The following PCDHA8 variants were observed in gnomAD, a reference collection of about 807,000 sequenced individuals.
PCDHA8 encodes the protein protocadherin alpha 8, also known as protocadherin alpha-8.
In PCDHA8, 53 loss-of-function variants were observed where a neutral mutation model predicts 61.8. The observed-to-expected ratio is 0.86, with a 90% CI of 0.69 to 1.08. The LOEUF is 1.08. PCDHA8 is among the 50% of genes least tolerant of loss of function. The probability of loss-of-function intolerance (pLI) is 0.00; values close to 1 mark genes in which losing one functional copy is unlikely to be tolerated. For synonymous variants in PCDHA8, 618 were observed against 556.6 expected, an observed-to-expected ratio of 1.11 and a Z score of -1.55; for missense variants, 1,293 against 1,245.0, an observed-to-expected ratio of 1.04 and a Z score of -0.58.
intron 3 of PCDHA8, among the ~76,000 whole-genome samples, chr5:140,992,954 C>G (rs1174073844): frequency 6.6e-6 from 1 of 152,190 alleles, no homozygotes; most frequent in Non-Finnish European, 1.5e-5. Context: ...TTAAATCACC[C>G]CTTATACTGC....
intron 1 of PCDHA8, among the ~76,000 whole-genome samples, chr5:140,904,446 T>C (rs34807894): frequency 0.32 from 47,642 of 151,146 alleles, 7,868 homozygotes; most frequent in East Asian, 0.52. Context: ...TATTACAATT[T>C]CTTTATACAC....
At chr5:140,923,151 T>A (rs1239888412) in intron 1 of PCDHA8, among the ~76,000 whole-genome samples, 3 of 152,108 alleles carry the variant, frequency 2.0e-5, no homozygotes, top group Non-Finnish European at 4.4e-5. Context: ...ATAAAAAAAA[T>A]TATAGAAAGA....
intron 1 of PCDHA8, among the ~76,000 whole-genome samples, chr5:140,888,469 T>C (rs892080299): frequency 2.0e-5 from 3 of 152,230 alleles, no homozygotes; most frequent in South Asian, 4.1e-4. Flanking sequence ...AAAATGTCAG[T>C]AGTTCCACTG....
intron 1 of PCDHA8, among the ~76,000 whole-genome samples, chr5:140,844,310 T>G (rs1779318452): frequency 6.7e-6 from 1 of 149,666 alleles, no homozygotes. Context: ...TTTCATATTC[T>G]TCCTAATTTT....
At chr5:140,969,670 T>C (rs1481481821) in intron 1 of PCDHA8, among the ~76,000 whole-genome samples, 1 of 152,192 alleles carries the variant, frequency 6.6e-6, no homozygotes, top group African/African-American at 2.4e-5. Context: ...AGTAATGTTA[T>C]GAGACTCAAG....
At chr5:141,001,276 T>C (rs2098003991) in intron 3 of PCDHA8, among the ~76,000 whole-genome samples, 1 of 152,210 alleles carries the variant, frequency 6.6e-6, no homozygotes. Context: ...GAACTTTTTT[T>C]ACGGATGAAA....
intron 1 of PCDHA8, among the ~76,000 whole-genome samples, chr5:140,878,982 T>C (rs1484097371): frequency 2.0e-5 from 3 of 152,206 alleles, no homozygotes; most frequent in African/African-American, 4.8e-5. Flanking sequence ...CCCTCTATCT[T>C]AGAAATGAGA....
At chr5:140,984,945 C>CA (rs1307962082) in intron 3 of PCDHA8, among the ~76,000 whole-genome samples, 2 of 149,212 alleles carry the variant, frequency 1.3e-5, no homozygotes, top group African/African-American at 4.9e-5. Flanking sequence ...AATGTCTAAT[C>CA]TTTTTTTTTT....
intron 1 of PCDHA8, chr5:140,883,357 T>C: frequency 6.2e-7 from 1 of 1,614,094 alleles, no homozygotes; most frequent in Non-Finnish European, 8.5e-7. Context: ...GAGAAGACAC[T>C]CAGCCTAGCG....
At chr5:140,927,868 C>T (rs782143210) in intron 1 of PCDHA8, 2 of 1,614,220 alleles carry the variant, frequency 1.2e-6, no homozygotes, top group Admixed American at 1.7e-5. Flanking sequence ...CACCGCTAAA[C>T]TGCTGGTGGA....
intron 3 of PCDHA8, among the ~76,000 whole-genome samples, chr5:141,007,365 A>G (rs1027558453): frequency 6.7e-6 from 1 of 149,886 alleles, no homozygotes; most frequent in African/African-American, 2.5e-5. Context: ...AGCCTGGGCA[A>G]CATGATGGAA....
At chr5:140,922,072 A>C (rs1390677282) in intron 1 of PCDHA8, among the ~76,000 whole-genome samples, 1 of 152,198 alleles carries the variant, frequency 6.6e-6, no homozygotes, top group East Asian at 1.9e-4. Context: ...AATCCCACTA[A>C]GCAAAAAGTG....
intron 1 of PCDHA8, among the ~76,000 whole-genome samples, chr5:140,873,067 TATC>T (rs2054071448): frequency 1.3e-5 from 2 of 152,218 alleles, no homozygotes; most frequent in Admixed American, 1.3e-4. Flanking sequence ...TTGAGAATCA[TATC>T]TAGCTATTTC....
At chr5:140,895,341 T>C (rs996566433) in intron 1 of PCDHA8, among the ~76,000 whole-genome samples, 5 of 152,186 alleles carry the variant, frequency 3.3e-5, no homozygotes, top group African/African-American at 1.2e-4. Flanking sequence ...TGTTTTACTA[T>C]GCTTTCCAGT....
At chr5:140,878,400 A>C (rs1190004888) in intron 1 of PCDHA8, among the ~76,000 whole-genome samples, 2 of 152,218 alleles carry the variant, frequency 1.3e-5, no homozygotes, top group Non-Finnish European at 2.9e-5. Flanking sequence ...TGCTCACAAA[A>C]TATCTTCTTT....
intron 1 of PCDHA8, among the ~76,000 whole-genome samples, chr5:140,947,975 A>G (rs572156919): frequency 5.8e-4 from 87 of 150,726 alleles, no homozygotes; most frequent in African/African-American, 1.9e-3. Context: ...TGTGCTACTC[A>G]TAGGTTTTTC....
At chr5:140,917,014 T>C (rs1272670553) in intron 1 of PCDHA8, among the ~76,000 whole-genome samples, 1 of 152,168 alleles carries the variant, frequency 6.6e-6, no homozygotes, top group Non-Finnish European at 1.5e-5. Context: ...TCTCCCTTCA[T>C]GTGCAGCTGC....
In PCDHA8 at chr5:140,876,730, G is replaced by A. The variant is rs1338047769; in HGVS notation, c.2394+33015G>A. ...CGCCCTGGACCGCGAGAGCGTGTCG[G>A]CCTATGAGCTGGTGGTGACTGCGCG... On this transcript the variant is annotated intron_variant, in intron 1 of 3. Transcript: ENST00000531613. 1.2e-6 allele frequency: 2 copies of A among 1,614,254 alleles called. No individual in the cohort carries two copies. The highest frequency in any genetic ancestry group is 1.7e-6 in the Non-Finnish European group (2 of 1,180,050).
intron 1 of PCDHA8, chr5:140,850,800 C>T (rs1554144941): frequency 1.9e-6 from 3 of 1,598,392 alleles, no homozygotes; most frequent in African/African-American, 1.3e-5. Context: ...GAAGACCGAC[C>T]TCATGGCCTT....
Sources: allele counts gnomAD v4.1 joint callset (sites outside exome capture counted in the v4.1 genomes callset), GRCh38; gene constraint gnomAD v4.1.1; transcripts MANE v1.5; gene names NCBI Gene and HGNC (gene_info 2026-07-23, HGNC 2026-07-21).